Variants in HERC5 observed in about 807,000 individuals in gnomAD.
HERC5 encodes the protein HECT and RLD domain containing E3 ubiquitin protein ligase 5.
In HERC5, 99 loss-of-function variants were observed where a neutral mutation model predicts 119.6. The ratio of observed to expected loss-of-function variants is 0.83; its 90% confidence interval spans 0.70 to 0.98. HERC5 has a LOEUF of 0.98. Among genes scored for constraint, HERC5 ranks in the 50% least tolerant of loss-of-function variants. The probability of loss-of-function intolerance (pLI) is 0.00; values close to 1 mark genes in which losing one functional copy is unlikely to be tolerated. For missense variants in HERC5, 1,267 were observed against 1,241.3 expected, an observed-to-expected ratio of 1.02 and a Z score of -0.31; for synonymous variants, 478 against 445.9, an observed-to-expected ratio of 1.07 and a Z score of -0.91.
intron 20 of HERC5, among the ~76,000 whole-genome samples, chr4:88,503,539 A>G (rs926621901): frequency 6.6e-6 from 1 of 152,200 alleles, no homozygotes; most frequent in Non-Finnish European, 1.5e-5. Context: ...TTTCGTTATT[A>G]CTAAGCACAT....
At position 88,462,348 on chromosome 4, in the gene HERC5, A is replaced by G. The variant is rs1309415905; in HGVS notation, c.680A>G (p.His227Arg). ...GAATGTGGACAACTAGGCCTGGGCC[A>G]CACTGAGAGTATGGAACACATTCTC... ...KNECGQLGLG[H>R]TESKDDPSLI... is the part of the protein sequence containing the mutation. Residue 227 changes from histidine to arginine, a missense_variant, in exon 4 of 23, where the codon CAC becomes CGC. Physicochemically the swap from His to Arg is conservative, Grantham distance 29. Around this residue, in one of 3 missense-constraint regions of HERC5, gnomAD observed 777 missense variants for 758.0 expected, o/e 1.03. Coordinates refer to ENST00000264350, the MANE Select transcript of HERC5 (RefSeq NM_016323.4). 1.9e-6 allele frequency: 3 copies of G among 1,613,354 alleles called. No homozygotes were observed. The highest frequency in any genetic ancestry group is 2.5e-6 in the Non-Finnish European group (3 of 1,179,346).
chr4:88,476,560 A>T (rs1322618183), intron 12 of HERC5, among the ~76,000 whole-genome samples: 1 of 152,204 alleles, frequency 6.6e-6, no homozygotes, highest in Non-Finnish European at 1.5e-5. Context: ...TTTTATTTTT[A>T]CTGAACTATT....
At chr4:88,468,112 GTA>G in intron 7 of HERC5, among the ~76,000 whole-genome samples, 1 of 152,170 alleles carries the variant, frequency 6.6e-6, no homozygotes, top group South Asian at 2.1e-4. Flanking sequence ...TTTGTATTAT[GTA>G]TATTAAACTG....
intron 20 of HERC5, 115 bp from the exon 21 acceptor site, chr4:88,504,117 A>G: frequency 1.6e-6 from 1 of 635,262 alleles, no homozygotes; most frequent in Non-Finnish European, 2.7e-6. Context: ...ATGACAGTCC[A>G]TGGCACATGG....
chr4:88,488,321 TC>T (rs1393589446), intron 15 of HERC5, among the ~76,000 whole-genome samples: 2 of 151,700 alleles, frequency 1.3e-5, no homozygotes, highest in African/African-American at 4.8e-5. Context: ...AACCTCCACT[TC>T]CTGGGTTCAA....
chr4:88,500,083 A>G (rs1741904661), intron 19 of HERC5, 91 bp downstream of exon 19: 2 of 783,836 alleles, frequency 2.6e-6, no homozygotes, highest in East Asian at 2.5e-5. Context: ...TACTTAAAAA[A>G]AAAACCTGAA....
rs1255781210 is a variant in HERC5, at chr4:88,504,612, A to C, written c.2869+15A>C. ...AAAATTCCTTGGTAAGTATTATATC[A>C]AGGAATAGATCTGTAATCGTATGTC... is the stretch of plus-strand genomic sequence containing the variant. On this transcript the variant is annotated intron_variant, in intron 22 of 22. Transcript: ENST00000264350. The C allele has an allele frequency of 6.9e-7, 1 of 1,442,694 alleles. No individual in the cohort carries two copies. Among genetic ancestry groups the C allele is most frequent in the South Asian group, 1.4e-5 (1 of 72,688 alleles). The allele number at this position is 1,442,694 out of a possible 1,614,324, so 89.4% of individuals were successfully genotyped here.
chr4:88,491,483 G>T (rs1741638223), intron 16 of HERC5, among the ~76,000 whole-genome samples: 1 of 152,114 alleles, frequency 6.6e-6, no homozygotes, highest in South Asian at 2.1e-4. Context: ...TAAGCCAGCA[G>T]GAAAAAGAAG....
intron 11 of HERC5, among the ~76,000 whole-genome samples, chr4:88,475,311 T>G (rs1043554445): frequency 2.0e-5 from 3 of 150,130 alleles, no homozygotes; most frequent in African/African-American, 7.3e-5. Context: ...TGTTTTTTTC[T>G]TTTTCTTTCT....
At chr4:88,473,554 C>T (rs969156890) in intron 11 of HERC5, 7 of 152,184 alleles carry the variant, frequency 4.6e-5, no homozygotes, top group Non-Finnish European at 7.3e-5. Flanking sequence ...ACTGGGGGTC[C>T]GAGGTGAAAT....
At chr4:88,468,911 TTGTATA>T (rs1740769336) in intron 8 of HERC5, among the ~76,000 whole-genome samples, 1 of 152,186 alleles carries the variant, frequency 6.6e-6, no homozygotes, top group African/African-American at 2.4e-5. Context: ...TTGATTGTAT[TTGTATA>T]AAGTGCTGAG....
chr4:88,475,392 C>T (rs1003797925), intron 11 of HERC5, among the ~76,000 whole-genome samples: 4 of 144,696 alleles, frequency 2.8e-5, no homozygotes, highest in Non-Finnish European at 6.0e-5. Context: ...AATCTCGGCT[C>T]ACTGCAACCT....
At chr4:88,471,236 C>G (rs1740859888) in intron 10 of HERC5, among the ~76,000 whole-genome samples, 1 of 152,068 alleles carries the variant, frequency 6.6e-6, no homozygotes, top group African/African-American at 2.4e-5. Flanking sequence ...TCCCCAAGTG[C>G]TGGGATTTCA....
At chr4:88,462,459 T>C in intron 4 of HERC5, 103 bp downstream of exon 4, 1 of 896,876 alleles carries the variant, frequency 1.1e-6, no homozygotes, top group East Asian at 2.6e-5. Context: ...ACTTTCATTT[T>C]CACTGCTCTT....
At chr4:88,491,672 T>G (rs1741642803) in intron 16 of HERC5, among the ~76,000 whole-genome samples, 1 of 152,300 alleles carries the variant, frequency 6.6e-6, no homozygotes, top group African/African-American at 2.4e-5. Context: ...GAGACCCATT[T>G]AAGTGGAGAA....
chr4:88,495,960 T>A (rs1741784199), intron 18 of HERC5, among the ~76,000 whole-genome samples: 1 of 152,204 alleles, frequency 6.6e-6, no homozygotes, highest in East Asian at 1.9e-4. Flanking sequence ...TATTGAGGAC[T>A]CCAAAGCGCT....
intron 22 of HERC5, among the ~76,000 whole-genome samples, chr4:88,505,242 A>G (rs1742069683): frequency 6.6e-6 from 1 of 151,728 alleles, no homozygotes; most frequent in Non-Finnish European, 1.5e-5. Context: ...CCTGCCTTGA[A>G]CCTCACCTAC....
intron 7 of HERC5, among the ~76,000 whole-genome samples, chr4:88,467,474 C>T (rs1258108377): frequency 6.6e-6 from 1 of 152,164 alleles, no homozygotes; most frequent in Non-Finnish European, 1.5e-5. Flanking sequence ...AGCTCTCATT[C>T]CAGTTTGCAA....
chr4:88,466,702 A>T (rs1423144325), intron 6 of HERC5, among the ~76,000 whole-genome samples: 1 of 152,236 alleles, frequency 6.6e-6, no homozygotes, highest in African/African-American at 2.4e-5. Flanking sequence ...TTGAGAAATT[A>T]AGTGGGAACT....
Sources: allele counts gnomAD v4.1 joint callset (sites outside exome capture counted in the v4.1 genomes callset), GRCh38; gene constraint gnomAD v4.1.1; regional missense constraint gnomAD v4.1.1; transcripts MANE v1.5; gene names NCBI Gene and HGNC (gene_info 2026-07-23, HGNC 2026-07-21).